SLC39A11: variants seen among roughly 807,000 people sequenced by gnomAD.
SLC39A11 encodes the protein zinc transporter ZIP11.
Under a neutral mutation model 36.1 loss-of-function variants are expected in SLC39A11, and 33 were observed. That is an observed-to-expected ratio of 0.91 (90% CI 0.69 to 1.22). The LOEUF (loss-of-function observed/expected upper bound fraction) is 1.22, where lower values mean the gene tolerates loss of function less well. SLC39A11 is among the 50% of genes most tolerant of loss of function. The probability of loss-of-function intolerance (pLI) is 0.00; values close to 1 mark genes in which losing one functional copy is unlikely to be tolerated. For synonymous variants in SLC39A11, 166 were observed against 170.3 expected (o/e 0.97, Z 0.20); for missense variants, 432 against 430.3 (o/e 1.00, Z -0.03).
chr17:72,651,593 G>A (rs1333096378), intron 7 of SLC39A11, among the ~76,000 whole-genome samples: 3 of 152,194 alleles, frequency 2.0e-5, no homozygotes, highest in Admixed American at 6.5e-5. Context: ...CCCCTAGGGT[G>A]GGGTTGGGGG....
chr17:72,812,877 A>T (rs1213757245), intron 6 of SLC39A11, among the ~76,000 whole-genome samples: 1 of 152,168 alleles, frequency 6.6e-6, no homozygotes, highest in African/African-American at 2.4e-5. Flanking sequence ...TTTTGGTGAT[A>T]GCATCCCGCT....
At chr17:72,780,085 T>C (rs2076260056) in intron 6 of SLC39A11, among the ~76,000 whole-genome samples, 1 of 152,196 alleles carries the variant, frequency 6.6e-6, no homozygotes, top group African/African-American at 2.4e-5. Flanking sequence ...GATCACCAAG[T>C]AGCCAACGCA....
chr17:73,036,699 G>A (rs543235736), intron 3 of SLC39A11, among the ~76,000 whole-genome samples: 232 of 152,084 alleles, frequency 1.5e-3, no homozygotes, highest in African/African-American at 5.3e-3. Context: ...CACCTGCCTC[G>A]GCCTCCCAAA....
At chr17:72,940,277 C>CA (rs1172313752) in intron 5 of SLC39A11, among the ~76,000 whole-genome samples, 1 of 144,834 alleles carries the variant, frequency 6.9e-6, no homozygotes, top group East Asian at 2.0e-4. Context: ...AGCCATCTGA[C>CA]TTTTTTTTTT....
chr17:72,680,041 C>CAAAAAAAAAAAA (rs199650969), intron 7 of SLC39A11, among the ~76,000 whole-genome samples: 1 of 71,666 alleles, frequency 1.4e-5, no homozygotes, highest in African/African-American at 8.4e-5. Context: ...GACTCTGTCT[C>CAAAAAAAAAAAA]AAAAAAAAAA....
In SLC39A11 at chr17:73,031,543, G is replaced by T; in HGVS notation, c.306+13C>A. The stretch of plus-strand genomic sequence containing the variant: ...TATCCCGATACGACAGCTAAAAGTA[G>T]AGTGGTACTCACCAAGTGAGGCATC... On this transcript the variant is annotated intron_variant, in intron 4 of 9. Transcript: ENST00000255559. 1 of 1,613,994 alleles carries T rather than the reference G, an allele frequency of 6.2e-7. No individual in the cohort carries two copies. The highest frequency in any genetic ancestry group is 1.1e-5 in the South Asian group (1 of 91,068).
intron 4 of SLC39A11, among the ~76,000 whole-genome samples, chr17:73,024,768 G>A (rs2148619389): frequency 6.6e-6 from 1 of 151,866 alleles, no homozygotes; most frequent in South Asian, 2.1e-4. Context: ...CGTGATCCCG[G>A]CTCACTGAAG....
intron 7 of SLC39A11, among the ~76,000 whole-genome samples, chr17:72,732,915 T>A (rs1255077535): frequency 1.3e-5 from 2 of 152,228 alleles, no homozygotes; most frequent in Non-Finnish European, 2.9e-5. Context: ...GGTTTTCCTA[T>A]CCTGCACATC....
rs1008776692 is a variant in SLC39A11, at chr17:73,088,734, C to T, written c.31G>A (p.Ala11Thr). The change falls in exon 2 of 10, where the codon GCC (alanine) becomes ACC (threonine). Residue 11 changes from alanine (A) to threonine (T), a missense_variant. Coordinates refer to ENST00000255559, the MANE Select transcript of SLC39A11 (RefSeq NM_139177.4). ...CAGGTGAAGAAGGTCCCCAGCAAGG[C>T]CTGGAACACAGAGCTGTGGCCTTGG... MLQGHSSVFQ[A>T]LLGTFFTWGM... 6.2e-7 allele frequency: 1 copy of T among 1,610,920 alleles called. No individual in the cohort carries two copies. The highest frequency in any genetic ancestry group is 1.7e-5 in the Admixed American group (1 of 59,662).
intron 4 of SLC39A11, among the ~76,000 whole-genome samples, chr17:73,022,415 C>T (rs1056248200): frequency 7.2e-5 from 11 of 151,848 alleles, no homozygotes; most frequent in Non-Finnish European, 1.0e-4. Flanking sequence ...GCCAACATGG[C>T]GAAACCTGGT....
intron 5 of SLC39A11, among the ~76,000 whole-genome samples, chr17:72,865,735 G>C (rs376789454): frequency 2.0e-5 from 3 of 152,038 alleles, no homozygotes; most frequent in Admixed American, 6.6e-5. Context: ...GAGAGAAGCA[G>C]AACCTTTGTG....
intron 7 of SLC39A11, among the ~76,000 whole-genome samples, chr17:72,678,995 T>C (rs923387666): frequency 1.3e-5 from 2 of 152,112 alleles, no homozygotes; most frequent in Non-Finnish European, 2.9e-5. Context: ...TGGAGGCCAT[T>C]ATGTTAAGTG....
At chr17:73,013,697 T>A (rs938184060) in intron 4 of SLC39A11, among the ~76,000 whole-genome samples, 1 of 152,162 alleles carries the variant, frequency 6.6e-6, no homozygotes, top group African/African-American at 2.4e-5. Context: ...TTGTGATTTT[T>A]TTTTTTTAGC....
chr17:72,934,185 G>A (rs184737867), intron 5 of SLC39A11, among the ~76,000 whole-genome samples: 26 of 151,650 alleles, frequency 1.7e-4, no homozygotes, highest in African/African-American at 1.7e-4. Flanking sequence ...ATTCTTAGAC[G>A]TAACACCAAA....
intron 5 of SLC39A11, among the ~76,000 whole-genome samples, chr17:72,918,990 G>C (rs2083483218): frequency 6.6e-6 from 1 of 152,154 alleles, no homozygotes; most frequent in Non-Finnish European, 1.5e-5. Context: ...TTGAACAGGG[G>C]AGGCTGAGGT....
chr17:72,903,127 G>A (rs186090085), intron 5 of SLC39A11, among the ~76,000 whole-genome samples: 105 of 152,114 alleles, frequency 6.9e-4, no homozygotes, highest in Middle Eastern at 3.4e-3. Context: ...TTAGCAGGGC[G>A]TGGTGGCAGG....
At chr17:73,075,512 A>T (rs2060290085) in intron 3 of SLC39A11, among the ~76,000 whole-genome samples, 1 of 152,202 alleles carries the variant, frequency 6.6e-6, no homozygotes, top group South Asian at 2.1e-4. Flanking sequence ...GCTCAGAGGC[A>T]TTGTGGTATA....
intron 7 of SLC39A11, among the ~76,000 whole-genome samples, chr17:72,695,667 C>T (rs2072261334): frequency 6.6e-6 from 1 of 152,128 alleles, no homozygotes; most frequent in African/African-American, 2.4e-5. Flanking sequence ...GAGATAAGAT[C>T]ATTCTAGATT....
chr17:72,989,515 G>A (rs1289726615), intron 4 of SLC39A11, among the ~76,000 whole-genome samples: 1 of 152,172 alleles, frequency 6.6e-6, no homozygotes, highest in Non-Finnish European at 1.5e-5. Context: ...ACCTTTAAAT[G>A]ATCTAGTCTT....
Sources: gnomAD v4.1 joint callset for allele counts (sites outside exome capture counted in the v4.1 genomes callset) on GRCh38, gnomAD v4.1.1 for gene constraint, MANE v1.5 for transcripts, NCBI Gene and HGNC (gene_info 2026-07-23, HGNC 2026-07-21) for gene names.